Variants in ZBTB16 observed in about 807,000 individuals in gnomAD.
The protein encoded by ZBTB16 is zinc finger and BTB domain-containing protein 16.
A neutral mutation model predicts 56.8 loss-of-function variants in ZBTB16; 8 were observed. The ratio of observed to expected loss-of-function variants is 0.14; its 90% confidence interval spans 0.08 to 0.25. ZBTB16 has a LOEUF of 0.25. Among genes scored for constraint, ZBTB16 ranks in the 10% least tolerant of loss-of-function variants. The probability of loss-of-function intolerance (pLI) is 1.00; values close to 1 mark genes in which losing one functional copy is unlikely to be tolerated. For missense variants in ZBTB16, 625 were observed against 903.0 expected (o/e 0.69, Z 3.95); for synonymous variants, 363 against 368.5 (o/e 0.98, Z 0.17).
intron 2 of ZBTB16, among the ~76,000 whole-genome samples, chr11:114,123,891 C>A (rs928343193): frequency 1.3e-5 from 2 of 152,142 alleles, no homozygotes; most frequent in African/African-American, 4.8e-5. Flanking sequence ...CTACGGGAGC[C>A]TTTTGTGGTG....
At chr11:114,101,123 G>A (rs1940595089) in intron 2 of ZBTB16, among the ~76,000 whole-genome samples, 1 of 152,060 alleles carries the variant, frequency 6.6e-6, no homozygotes, top group Non-Finnish European at 1.5e-5. Context: ...TCCCACATTA[G>A]CCTCCCAAGT....
intron 2 of ZBTB16, among the ~76,000 whole-genome samples, chr11:114,091,530 C>T (rs1315253103): frequency 2.6e-5 from 4 of 151,918 alleles, no homozygotes; most frequent in African/African-American, 4.8e-5. Flanking sequence ...TTTCTCTGTA[C>T]TTGTGAGGGT....
At chr11:114,170,001 T>C (rs1942911983) in intron 3 of ZBTB16, among the ~76,000 whole-genome samples, 3 of 152,188 alleles carry the variant, frequency 2.0e-5, no homozygotes, top group Admixed American at 2.0e-4. Context: ...GCCCAGTTTC[T>C]TGCACTTGGG....
intron 2 of ZBTB16, among the ~76,000 whole-genome samples, chr11:114,082,741 G>A (rs1341218030): frequency 6.6e-6 from 1 of 152,010 alleles, no homozygotes; most frequent in African/African-American, 2.4e-5. Flanking sequence ...CTCGGTGGGC[G>A]GGGAAGCTGG....
At chr11:114,176,951 C>T (rs534542490) in intron 3 of ZBTB16, among the ~76,000 whole-genome samples, 1 of 152,302 alleles carries the variant, frequency 6.6e-6, no homozygotes, top group African/African-American at 2.4e-5. Context: ...CCTTAGAGAA[C>T]ATAGTGTCTC....
chr11:114,197,543 A>G (rs577250250), intron 4 of ZBTB16, among the ~76,000 whole-genome samples: 40 of 152,042 alleles, frequency 2.6e-4, no homozygotes, highest in African/African-American at 9.7e-4. Context: ...GCCTGCTTGC[A>G]CTGGCCCCTC....
intron 2 of ZBTB16, among the ~76,000 whole-genome samples, chr11:114,147,289 G>A (rs909927455): frequency 9.2e-5 from 14 of 152,168 alleles, no homozygotes; most frequent in Non-Finnish European, 1.9e-4. Context: ...TCCCTGGCTA[G>A]AGTGGAAACA....
chr11:114,134,315 G>A (rs903912429), intron 2 of ZBTB16, among the ~76,000 whole-genome samples: 3 of 152,166 alleles, frequency 2.0e-5, no homozygotes, highest in Non-Finnish European at 4.4e-5. Flanking sequence ...AAACAGAGCT[G>A]TATTTTCACA....
At chr11:114,135,016 G>A (rs1191340781) in intron 2 of ZBTB16, among the ~76,000 whole-genome samples, 2 of 152,238 alleles carry the variant, frequency 1.3e-5, no homozygotes, top group African/African-American at 2.4e-5. Context: ...TCCCATGGAA[G>A]ATGCAAGAAT....
chr11:114,085,658 A>T (rs1199279571), intron 2 of ZBTB16, among the ~76,000 whole-genome samples: 2 of 152,062 alleles, frequency 1.3e-5, no homozygotes, highest in African/African-American at 4.8e-5. Context: ...GGTTTTAGAG[A>T]ATGGCTAGGC....
chr11:114,078,808 AC>A lies in ZBTB16; in HGVS notation c.1268+14243del, dbSNP rs569522289. On this transcript the variant is annotated intron_variant, in intron 2 of 6. Transcript: ENST00000335953. ...AAGAAGGTTGGCTTTAGAAGGAGGC[AC>A]CCTGTGGGAGGCTGAGACAGGTGGG... 2.6e-5 allele frequency among the ~76,000 whole-genome samples: 4 copies of A among 152,184 alleles called. No individual in the cohort carries two copies. The East Asian group carries it at 7.7e-4, about 29-fold the overall frequency.
intron 2 of ZBTB16, among the ~76,000 whole-genome samples, chr11:114,123,823 C>G (rs1242659495): frequency 6.6e-6 from 1 of 152,090 alleles, no homozygotes; most frequent in African/African-American, 2.4e-5. Context: ...AAAAGAGGAG[C>G]AGTGGAGCCA....
In ZBTB16 at chr11:114,135,124, C is replaced by T. The variant is rs74740588; in HGVS notation, c.1269-21213C>T. 1.6e-3 allele frequency among the ~76,000 whole-genome samples: 249 copies of T among 152,288 alleles called. 1 individual carries two copies. In the East Asian group the frequency reaches 0.021, roughly 13 times the overall value. On this transcript the variant is annotated intron_variant, in intron 2 of 6. Transcript: ENST00000335953. ...GACAGATACAGCTAGTGGATCATGC[C>T]GGGGGGAACTATACATTCCAGTGCT... is the stretch of plus-strand genomic sequence containing the variant.
At chr11:114,193,290 G>T (rs911483429) in intron 4 of ZBTB16, among the ~76,000 whole-genome samples, 12 of 152,162 alleles carry the variant, frequency 7.9e-5, no homozygotes, top group Non-Finnish European at 1.5e-4. Context: ...TGGAGAAAAT[G>T]AATCCAAATT....
chr11:114,234,568 T>A (rs1944522763), intron 4 of ZBTB16, among the ~76,000 whole-genome samples: 1 of 152,182 alleles, frequency 6.6e-6, no homozygotes, highest in Non-Finnish European at 1.5e-5. Context: ...CTGAAACTCA[T>A]GCCCAAGAGG....
In ZBTB16 at chr11:114,143,317, T is replaced by C. The variant is rs1206527634; in HGVS notation, c.1269-13020T>C. 2.0e-5 allele frequency among the ~76,000 whole-genome samples: 3 copies of C among 152,178 alleles called. No homozygotes were observed. The highest frequency in any genetic ancestry group is 2.0e-4 in the Admixed American group (3 of 15,268). On this transcript the variant is annotated intron_variant, in intron 2 of 6. Coordinates refer to ENST00000335953, the MANE Select transcript of ZBTB16 (RefSeq NM_006006.6). This position sits in a 1 kb window ranked among gnomAD's most constrained non-coding sequence, Gnocchi z 6.4. ...AAGATGAATGAGGCAAAGCCCTGTC[T>C]TCATGTAGCTGCCCATCCAGCTGGA...
At chr11:114,065,744 A>G (rs11214860) in intron 2 of ZBTB16, among the ~76,000 whole-genome samples, 3,343 of 152,246 alleles carry the variant, frequency 0.022, 112 homozygotes, top group African/African-American at 0.073. Flanking sequence ...ATGGAACAAT[A>G]CTAAGGCTCA....
In ZBTB16 at chr11:114,255,665, G is replaced by A. The variant is rs1459863571; in HGVS notation, c.*5110G>A. Reference sequence around the variant, plus strand: ...GTTGCAGCTTTCCGCATCTGCCTTCGTTTCGTGTAGATTGACGCGTTTCTT... The same window carrying A: ...GTTGCAGCTTTCCGCATCTGCCTTCATTTCGTGTAGATTGACGCGTTTCTT... On this transcript the variant is annotated 3_prime_UTR_variant, in exon 7 of 7. Coordinates refer to ENST00000335953, the MANE Select transcript of ZBTB16 (RefSeq NM_006006.6). Among the ~76,000 whole-genome samples the A allele has an allele frequency of 2.7e-5, 4 of 148,596 alleles. No homozygotes were observed. The highest frequency in any genetic ancestry group is 5.9e-5 in the Non-Finnish European group (4 of 67,584).
At chr11:114,078,339 C>T (rs1338641689) in intron 2 of ZBTB16, among the ~76,000 whole-genome samples, 1 of 152,186 alleles carries the variant, frequency 6.6e-6, no homozygotes, top group Non-Finnish European at 1.5e-5. Context: ...AAGTTGTTGG[C>T]TGGTAAGCAA....
Sources: allele counts gnomAD v4.1 joint callset (sites outside exome capture counted in the v4.1 genomes callset), GRCh38; gene constraint gnomAD v4.1.1; non-coding constraint Gnocchi (gnomAD v3.1); transcripts MANE v1.5; gene names NCBI Gene and HGNC (gene_info 2026-07-23, HGNC 2026-07-21).